WDR59: variants seen among roughly 807,000 people sequenced by gnomAD.
The protein encoded by WDR59 is GATOR2 complex protein WDR59.
In WDR59, 100 loss-of-function variants were observed where a neutral mutation model predicts 131.2. The observed-to-expected ratio is 0.76, with a 90% CI of 0.65 to 0.90. The LOEUF is 0.90. Ranked by LOEUF, WDR59 falls within the 40% of genes least tolerant of loss-of-function variation. WDR59 has a pLI of 0.00. For synonymous variants in WDR59, 601 were observed against 466.2 expected, an observed-to-expected ratio of 1.29 and a Z score of -3.72; for missense variants, 1,203 against 1,262.2, an observed-to-expected ratio of 0.95 and a Z score of 0.71.
chr16:74,904,187 G>C (rs1965693557), intron 17 of WDR59, 87 bp from the exon 18 acceptor site: 1 of 1,475,018 alleles, frequency 6.8e-7, no homozygotes, highest in East Asian at 2.4e-5. Flanking sequence ...GATACCAAAA[G>C]GAGAAGACAA....
intron 8 of WDR59, among the ~76,000 whole-genome samples, chr16:74,935,817 T>G (rs1385000375): frequency 6.6e-6 from 1 of 151,960 alleles, no homozygotes; most frequent in Non-Finnish European, 1.5e-5. Flanking sequence ...GCCAACATGG[T>G]GAAACCCCAT....
rs560275757 is a variant in WDR59, at chr16:74,974,886, C to T, written c.55-9064G>A. Reference sequence around the variant, plus strand: ...ACAGTGAGGGGACTCTGGGAAGCTTCGGCCTGGTTTCCTTCTGACCTCATG... The same window carrying T: ...ACAGTGAGGGGACTCTGGGAAGCTTTGGCCTGGTTTCCTTCTGACCTCATG... On this transcript the variant is annotated intron_variant, in intron 1 of 25. Coordinates refer to ENST00000262144, the MANE Select transcript of WDR59 (RefSeq NM_030581.4). 6.3e-4 allele frequency among the ~76,000 whole-genome samples: 96 copies of T among 152,284 alleles called. 2 individuals carry two copies. The highest frequency in any genetic ancestry group is 2.2e-3 in the Admixed American group (34 of 15,290).
chr16:74,879,299 G>A (rs1964368805), intron 25 of WDR59, among the ~76,000 whole-genome samples: 1 of 152,218 alleles, frequency 6.6e-6, no homozygotes, highest in South Asian at 2.1e-4. Flanking sequence ...CGAGGCTGCA[G>A]TGAGCTGTGA....
rs747872806 is a variant in WDR59 at position 74,965,806 on chromosome 16, A to G, written c.71T>C (p.Val24Ala). The G allele has an allele frequency of 3.1e-6, 5 of 1,614,038 alleles. No individual in the cohort carries two copies. The highest frequency in any genetic ancestry group is 1.3e-5 in the African/African-American group (1 of 74,926). The change falls in exon 2 of 26, where the codon GTG becomes GCG. Residue 24 changes from valine (V) to alanine (A), a missense_variant. Coordinates refer to ENST00000262144, the MANE Select transcript of WDR59 (RefSeq NM_030581.4). ...CACTGCATGCTGCCCAAGACAGTCC[A>G]CAGACATCGCAGTTGCCTGAGAGAG... ...FRDSQATAMS[V>A]DCLGQHAVLS...
At chr16:74,876,964 G>T (rs1228983437) in intron 25 of WDR59, among the ~76,000 whole-genome samples, 1 of 151,958 alleles carries the variant, frequency 6.6e-6, no homozygotes, top group Admixed American at 6.6e-5. Flanking sequence ...ATGGTTCCAG[G>T]TTTTCTCTGG....
At chr16:74,908,856 G>A (rs1965942733) in intron 17 of WDR59, 52 bp downstream of exon 17, 1 of 1,531,598 alleles carries the variant, frequency 6.5e-7, no homozygotes, top group Non-Finnish European at 9.0e-7. Flanking sequence ...CAGGTCTCTG[G>A]CCACTTCTGG....
intron 18 of WDR59, among the ~76,000 whole-genome samples, chr16:74,895,357 G>A (rs1295013727): frequency 6.6e-6 from 1 of 152,126 alleles, no homozygotes; most frequent in Non-Finnish European, 1.5e-5. Context: ...CCGCCTCCGG[G>A]GTTCAAGTGA....
In WDR59 at chr16:74,900,655, G is replaced by A. The variant is rs368431569; in HGVS notation, c.1866+3292C>T. Among the ~76,000 whole-genome samples, 135 of 152,294 alleles carry A rather than the reference G, an allele frequency of 8.9e-4. 1 individual carries two copies. The South Asian group carries it at 0.023, about 26-fold the overall frequency. ...TTAGCAATTTGATGGCTTTTGAGGCGTCACACGTTTTAAAATTTTTAGGAG... is the reference window on the plus strand; with the variant it reads ...TTAGCAATTTGATGGCTTTTGAGGCATCACACGTTTTAAAATTTTTAGGAG... On this transcript the variant is annotated intron_variant, in intron 18 of 25. Transcript: ENST00000262144.
chr16:74,923,855 G>A (rs1236868896), intron 9 of WDR59, 71 bp downstream of exon 9: 2 of 1,342,890 alleles, frequency 1.5e-6, no homozygotes, highest in Non-Finnish European at 2.1e-6. Context: ...AAGAGAAAAT[G>A]TCCCCGGGCT....
At chr16:74,970,020 T>C (rs1417918838) in intron 1 of WDR59, among the ~76,000 whole-genome samples, 1 of 151,576 alleles carries the variant, frequency 6.6e-6, no homozygotes, top group Non-Finnish European at 1.5e-5. Context: ...GTCTCCTGGG[T>C]TCAAGTGATC....
chr16:74,915,675 C>T, intron 13 of WDR59, 195 bp downstream of exon 13: 1 of 649,882 alleles, frequency 1.5e-6, no homozygotes, highest in African/African-American at 1.8e-5. Flanking sequence ...CTGTCCACCT[C>T]AGACTCCCAA....
At chr16:74,914,442 G>A (rs1433786461) in intron 13 of WDR59, among the ~76,000 whole-genome samples, 1 of 152,136 alleles carries the variant, frequency 6.6e-6, no homozygotes, top group Non-Finnish European at 1.5e-5. Flanking sequence ...AGCAGCTGGA[G>A]TAAAGAGAAA....
intron 8 of WDR59, among the ~76,000 whole-genome samples, chr16:74,931,645 T>C (rs1184063818): frequency 6.6e-6 from 1 of 152,078 alleles, no homozygotes; most frequent in Non-Finnish European, 1.5e-5. Context: ...CTGAACTTTC[T>C]ATAATAATAA....
intron 8 of WDR59, among the ~76,000 whole-genome samples, chr16:74,926,226 AT>A (rs1195747283): frequency 6.6e-6 from 1 of 151,638 alleles, no homozygotes; most frequent in Non-Finnish European, 1.5e-5. Flanking sequence ...CGCCTGGCTA[AT>A]TTTTTGTATT....
rs944933949 is a variant in WDR59 at position 74,874,243 on chromosome 16, C to A, written c.2891G>T (p.Cys964Phe). ...GCTTTCAAGCAGGCAGTGGCACCCA[C>A]ACCCGGTGGGACACACCTCCTGGGT... Reference protein sequence around the residue: ...FRTQEVCPTGCGCHCLLESTF With the variant: ...FRTQEVCPTGFGCHCLLESTF The change falls in exon 26 of 26, where the codon TGT (cysteine) becomes TTT (phenylalanine). Residue 964 changes from cysteine (C) to phenylalanine (F), a missense_variant. By Grantham distance (205) the Cys-to-Phe change is radical (BLOSUM62 -2). Transcript: ENST00000262144. 7 of 1,614,180 alleles carry A rather than the reference C, an allele frequency of 4.3e-6. No homozygotes were observed. The highest frequency in any genetic ancestry group is 5.9e-6 in the Non-Finnish European group (7 of 1,180,028).
chr16:74,960,620 C>T (rs1034111359), intron 2 of WDR59, among the ~76,000 whole-genome samples: 1 of 151,940 alleles, frequency 6.6e-6, no homozygotes, highest in South Asian at 2.1e-4. Context: ...TGGCGCTCAC[C>T]TGTAATCCCA....
chr16:74,910,333 T>G (rs1966026946), intron 14 of WDR59, among the ~76,000 whole-genome samples: 1 of 152,148 alleles, frequency 6.6e-6, no homozygotes, highest in African/African-American at 2.4e-5. Flanking sequence ...GGTGCATGGT[T>G]AAGTCAAGGC....
chr16:74,898,855 G>A (rs576278075), intron 18 of WDR59, among the ~76,000 whole-genome samples: 11 of 152,346 alleles, frequency 7.2e-5, no homozygotes, highest in Middle Eastern at 3.4e-3. Flanking sequence ...GGCTGGGACA[G>A]GCTTTTGGAA....
At chr16:74,929,453 G>C (rs550127523) in intron 8 of WDR59, among the ~76,000 whole-genome samples, 24 of 152,290 alleles carry the variant, frequency 1.6e-4, no homozygotes, top group African/African-American at 5.8e-4. Context: ...GATCATCAGA[G>C]AAATGCAAAT....
Sources: gnomAD v4.1 joint callset for allele counts (sites outside exome capture counted in the v4.1 genomes callset) on GRCh38, gnomAD v4.1.1 for gene constraint, MANE v1.5 for transcripts, NCBI Gene and HGNC (gene_info 2026-07-23, HGNC 2026-07-21) for gene names.